Variants in CENPC observed in about 807,000 individuals in gnomAD.
CENPC encodes centromere protein C, also known as CENP-C 1.
CENPC carries 63 observed loss-of-function variants against 112.1 expected under a neutral mutation model. That is an observed-to-expected ratio of 0.56 (90% CI 0.46 to 0.69). The LOEUF (loss-of-function observed/expected upper bound fraction) is 0.69. CENPC is among the 30% of genes least tolerant of loss of function. The pLI, the probability that CENPC is intolerant of heterozygous loss-of-function variation, is 0.00. For synonymous variants in CENPC, 333 were observed against 367.6 expected, an observed-to-expected ratio of 0.91 and a Z score of 1.08; for missense variants, 1,000 against 1,103.8, an observed-to-expected ratio of 0.91 and a Z score of 1.33.
chr4:67,534,897 C>T (rs916243267), intron 4 of CENPC, among the ~76,000 whole-genome samples: 1 of 151,998 alleles, frequency 6.6e-6, no homozygotes, highest in Admixed American at 6.6e-5. Flanking sequence ...AAGGTACTTG[C>T]AGAAAACAGA....
At chr4:67,500,884 T>C (rs1296527092) in intron 12 of CENPC, among the ~76,000 whole-genome samples, 2 of 152,118 alleles carry the variant, frequency 1.3e-5, no homozygotes, top group Non-Finnish European at 2.9e-5. Context: ...GAATGGAGGT[T>C]TGACAAGAAA....
At chr4:67,507,059 T>C (rs1242951591) in intron 10 of CENPC, 125 bp from the exon 11 acceptor site, 3 of 633,110 alleles carry the variant, frequency 4.7e-6, no homozygotes, top group Admixed American at 3.6e-5. Context: ...GATCACCCTG[T>C]TCAGGTTCTG....
At chr4:67,484,616 C>A (rs1253575337) in intron 17 of CENPC, among the ~76,000 whole-genome samples, 1 of 152,214 alleles carries the variant, frequency 6.6e-6, no homozygotes, top group African/African-American at 2.4e-5. Context: ...ACTCCCACTG[C>A]CACCACCAAT....
chr4:67,500,003 T>C (rs953614639), intron 12 of CENPC, among the ~76,000 whole-genome samples: 5 of 152,174 alleles, frequency 3.3e-5, no homozygotes, highest in African/African-American at 9.7e-5. Flanking sequence ...GAATTTTCAC[T>C]TTCTTAAGTA....
At chr4:67,534,964 A>T (rs1298013135) in intron 4 of CENPC, among the ~76,000 whole-genome samples, 1 of 152,174 alleles carries the variant, frequency 6.6e-6, no homozygotes, top group Admixed American at 6.5e-5. Context: ...GGAATATAAT[A>T]AAAATTTAGA....
chr4:67,513,268 T>TG (rs11415106), intron 8 of CENPC, among the ~76,000 whole-genome samples: 95,699 of 151,858 alleles, frequency 0.63, 30,410 homozygotes, highest in East Asian at 0.81. Context: ...CCCACAGAAC[T>TG]GTAAGATAAT....
chr4:67,537,205 G>C (rs926636751), intron 4 of CENPC, among the ~76,000 whole-genome samples: 20 of 151,504 alleles, frequency 1.3e-4, no homozygotes, highest in Non-Finnish European at 2.9e-4. Flanking sequence ...AAGAAAAGTA[G>C]AACATTTAAA....
At position 67,518,287 on chromosome 4, in the gene CENPC, T is replaced by C. The variant is rs945507500; in HGVS notation, c.699A>G (p.Glu233=). The change falls in exon 7 of 19, where the codon GAA becomes GAG. Residue 233 remains glutamate, a synonymous_variant. Coordinates refer to ENST00000273853, the MANE Select transcript of CENPC (RefSeq NM_001812.4). ...KVSDEEDKTS[E]GQERKPSGSS... The stretch of plus-strand genomic sequence containing the variant: ...ATCCTGATGGTTTTCTTTCTTGTCC[T>C]TCCGATGTTTTATCCTCTTCATCTG... 1.9e-6 allele frequency: 3 copies of C among 1,557,206 alleles called. No homozygotes were observed. In the African/African-American group the frequency reaches 4.1e-5, roughly 21 times the overall value.
At chr4:67,513,641 T>G (rs1164200719) in intron 8 of CENPC, among the ~76,000 whole-genome samples, 1 of 152,184 alleles carries the variant, frequency 6.6e-6, no homozygotes, top group Non-Finnish European at 1.5e-5. Flanking sequence ...TAGTAATTTT[T>G]GTGATTACAG....
chr4:67,511,279 T>A (rs1053065017), intron 9 of CENPC, among the ~76,000 whole-genome samples: 2 of 152,170 alleles, frequency 1.3e-5, no homozygotes, highest in Non-Finnish European at 2.9e-5. Context: ...AGAATCTCAA[T>A]GATTTAATAA....
Position 67,470,423 on chromosome 4 carries a change from C to G in CENPC, c.*2182G>C, listed in dbSNP as rs1235389012. 6.6e-6 allele frequency: 1 copy of G among 151,654 alleles called. No individual in the cohort carries two copies. The highest frequency in any genetic ancestry group is 1.5e-5 in the Non-Finnish European group (1 of 67,896). The allele number at this position is 151,654 out of a possible 1,614,324, so 9.4% of individuals were successfully genotyped here. On this transcript the variant is annotated 3_prime_UTR_variant, in exon 19 of 19. Transcript: ENST00000273853. ...TCTGTCTCTACTAAAAACACAAAAA[C>G]TAGCCAGGCGTGGTGGCAAGCAACT...
At chr4:67,472,779 TAAAA>T in intron 18 of CENPC, 104 bp from the exon 19 acceptor site, 1 of 1,203,238 alleles carries the variant, frequency 8.3e-7, no homozygotes, top group African/African-American at 1.6e-5. Context: ...GGACACAAGA[TAAAA>T]ACAATTCACC....
intron 12 of CENPC, among the ~76,000 whole-genome samples, chr4:67,498,677 C>T (rs1725507319): frequency 6.6e-6 from 1 of 152,208 alleles, no homozygotes; most frequent in Admixed American, 6.5e-5. Flanking sequence ...CATCTCCAGA[C>T]TCCACTTCTA....
chr4:67,508,331 A>G (rs1725791986), intron 10 of CENPC, among the ~76,000 whole-genome samples: 2 of 151,904 alleles, frequency 1.3e-5, no homozygotes, highest in African/African-American at 4.8e-5. Context: ...TAGGCAACAA[A>G]GCAAGACCTC....
At chr4:67,501,962 A>C (rs1725602025) in intron 12 of CENPC, among the ~76,000 whole-genome samples, 1 of 152,186 alleles carries the variant, frequency 6.6e-6, no homozygotes, top group African/African-American at 2.4e-5. Flanking sequence ...GACTAACACA[A>C]GGGACAACTC....
rs1314115724 is a variant in CENPC, at chr4:67,508,935, A to G, written c.1783T>C (p.Leu595=). ...TKGNQRVQKF[L]NAEGSGGIVG... Reference sequence around the variant, plus strand: ...ATACCTCCAGAACCTTCAGCATTTAAAAACTTCTGTACTCTTTGGTTGCCT... The same window carrying G: ...ATACCTCCAGAACCTTCAGCATTTAGAAACTTCTGTACTCTTTGGTTGCCT... The change falls in exon 10 of 19, where the codon TTA becomes CTA. Residue 595 remains leucine, a synonymous_variant. Transcript: ENST00000273853. The G allele has an allele frequency of 1.2e-6, 2 of 1,613,710 alleles. No individual in the cohort carries two copies. The highest frequency in any genetic ancestry group is 2.2e-5 in the South Asian group (2 of 91,074).
chr4:67,503,753 A>T (rs1294253974), intron 12 of CENPC, among the ~76,000 whole-genome samples: 1 of 152,142 alleles, frequency 6.6e-6, no homozygotes, highest in Non-Finnish European at 1.5e-5. Context: ...CCAATGGAAA[A>T]ATTATAAAAA....
intron 16 of CENPC, among the ~76,000 whole-genome samples, chr4:67,490,531 G>C (rs1488756059): frequency 6.6e-6 from 1 of 151,928 alleles, no homozygotes; most frequent in Non-Finnish European, 1.5e-5. Context: ...ACAGAAAATA[G>C]AATTAGCTGA....
chr4:67,469,768 T>G lies in CENPC; in HGVS notation c.*2837A>C, dbSNP rs1383581972. On this transcript the variant is annotated 3_prime_UTR_variant, in exon 19 of 19. Transcript: ENST00000273853. ...CCCAGTTTTATGCCTGGGGGCACTC[T>G]CCAAAACTGGACACAGAGAGTTAAG... 1.3e-5 allele frequency: 2 copies of G among 152,204 alleles called. No homozygotes were observed. The highest frequency in any genetic ancestry group is 2.4e-5 in the African/African-American group (1 of 41,456). The allele number at this position is 152,204 out of a possible 1,614,324, so 9.4% of individuals were successfully genotyped here.
Sources: gnomAD v4.1 joint callset for allele counts (sites outside exome capture counted in the v4.1 genomes callset) on GRCh38, gnomAD v4.1.1 for gene constraint, MANE v1.5 for transcripts, NCBI Gene and HGNC (gene_info 2026-07-23, HGNC 2026-07-21) for gene names.